Variants in SYNDIG1 observed in about 807,000 individuals in gnomAD.
The protein encoded by SYNDIG1 is synapse differentiation inducing 1, also known as synapse differentiation-inducing gene protein 1.
In SYNDIG1, 9 loss-of-function variants were observed where a neutral mutation model predicts 19.4. The observed-to-expected ratio is 0.46, with a 90% CI of 0.28 to 0.81. The LOEUF (loss-of-function observed/expected upper bound fraction) is 0.81. Ranked by LOEUF, SYNDIG1 falls within the 30% of genes least tolerant of loss-of-function variation. The pLI, the probability that SYNDIG1 is intolerant of heterozygous loss-of-function variation, is 0.12. For synonymous variants in SYNDIG1, 141 were observed against 145.9 expected, an observed-to-expected ratio of 0.97 and a Z score of 0.24; for missense variants, 311 against 343.3, an observed-to-expected ratio of 0.91 and a Z score of 0.74.
intron 2 of SYNDIG1, among the ~76,000 whole-genome samples, chr20:24,554,617 C>G (rs947760711): frequency 5.3e-5 from 8 of 152,176 alleles, no homozygotes; most frequent in African/African-American, 1.9e-4. Context: ...TATTCATTTG[C>G]GTGTATTGAA....
intron 1 of SYNDIG1, among the ~76,000 whole-genome samples, chr20:24,513,924 T>C (rs2056805540): frequency 6.6e-6 from 1 of 152,184 alleles, no homozygotes; most frequent in Admixed American, 6.5e-5. Flanking sequence ...AACACGGATC[T>C]CTCGGCAGAA....
chr20:24,494,988 T>C (rs555942603), intron 1 of SYNDIG1, among the ~76,000 whole-genome samples: 1 of 152,228 alleles, frequency 6.6e-6, no homozygotes, highest in Admixed American at 6.5e-5. Context: ...TCTATAACCA[T>C]GCCCTGGTCA....
At chr20:24,632,887 G>A (rs940749222) in intron 3 of SYNDIG1, among the ~76,000 whole-genome samples, 1 of 151,812 alleles carries the variant, frequency 6.6e-6, no homozygotes, top group African/African-American at 2.4e-5. Context: ...AGCTGAAACA[G>A]AACTTGAAAT....
At chr20:24,532,053 C>T (rs1178725793) in intron 1 of SYNDIG1, among the ~76,000 whole-genome samples, 1 of 152,218 alleles carries the variant, frequency 6.6e-6, no homozygotes, top group Non-Finnish European at 1.5e-5. Flanking sequence ...CCAGGCCATA[C>T]ACAAAATGCC....
chr20:24,549,745 G>A (rs2057667276), intron 2 of SYNDIG1, among the ~76,000 whole-genome samples: 1 of 152,198 alleles, frequency 6.6e-6, no homozygotes, highest in Admixed American at 6.5e-5. Flanking sequence ...GAAAAATCAG[G>A]TCACATACGG....
intron 1 of SYNDIG1, among the ~76,000 whole-genome samples, chr20:24,524,159 G>C (rs1264019500): frequency 6.6e-6 from 1 of 151,928 alleles, no homozygotes; most frequent in Non-Finnish European, 1.5e-5. Flanking sequence ...GGTTTTTCTC[G>C]CAACTTCGAA....
chr20:24,605,910 T>C (rs913763225), intron 3 of SYNDIG1, among the ~76,000 whole-genome samples: 1 of 152,246 alleles, frequency 6.6e-6, no homozygotes, highest in Non-Finnish European at 1.5e-5. Context: ...CAATTACATT[T>C]CCAACATGTG....
intron 2 of SYNDIG1, among the ~76,000 whole-genome samples, chr20:24,553,935 C>T (rs2057759778): frequency 6.6e-6 from 1 of 152,146 alleles, no homozygotes; most frequent in Non-Finnish European, 1.5e-5. Context: ...TTCTTCCTAC[C>T]CATGAGCATG....
At chr20:24,617,249 C>T (rs904526164) in intron 3 of SYNDIG1, among the ~76,000 whole-genome samples, 4 of 152,184 alleles carry the variant, frequency 2.6e-5, no homozygotes, top group Non-Finnish European at 4.4e-5. Context: ...CCCACCGAAC[C>T]TCCGTGCTCC....
At chr20:24,563,833 A>G (rs972847292) in intron 2 of SYNDIG1, among the ~76,000 whole-genome samples, 1 of 152,012 alleles carries the variant, frequency 6.6e-6, no homozygotes, top group Non-Finnish European at 1.5e-5. Flanking sequence ...ACACTTTTGG[A>G]CTCAAGTGAT....
At chr20:24,526,949 T>C (rs1450441933) in intron 1 of SYNDIG1, among the ~76,000 whole-genome samples, 10 of 152,246 alleles carry the variant, frequency 6.6e-5, no homozygotes, top group African/African-American at 2.2e-4. Flanking sequence ...TATTTTCCTT[T>C]GACTGCTTTT....
intron 1 of SYNDIG1, among the ~76,000 whole-genome samples, chr20:24,509,052 A>G (rs1179651142): frequency 1.3e-5 from 2 of 152,230 alleles, no homozygotes; most frequent in African/African-American, 4.8e-5. Context: ...CCTCCCTGCA[A>G]TGAGCATTGG....
chr20:24,640,872 G>A (rs530756317), intron 3 of SYNDIG1, among the ~76,000 whole-genome samples: 19 of 152,270 alleles, frequency 1.2e-4, no homozygotes, highest in South Asian at 6.2e-4. Flanking sequence ...GGGAGATGGC[G>A]CACATGGAGG....
rs747394930 is a variant in SYNDIG1 at position 24,543,092 on chromosome 20, A to T, written c.-6A>T. 3.7e-6 allele frequency: 6 copies of T among 1,610,376 alleles called. No homozygotes were observed. Among genetic ancestry groups the T allele is most frequent in the Non-Finnish European group, 2.5e-6 (3 of 1,177,026 alleles). On this transcript the variant is annotated 5_prime_UTR_variant, in exon 2 of 4. Coordinates refer to ENST00000376862, the MANE Select transcript of SYNDIG1 (RefSeq NM_024893.3). ...CAGCCTGACGCCCAGCCAGGGAGAG[A>T]GTACCATGGATGGCATCATTGAACA...
At chr20:24,594,229 C>A (rs546006794) in intron 3 of SYNDIG1, among the ~76,000 whole-genome samples, 29 of 152,294 alleles carry the variant, frequency 1.9e-4, no homozygotes, top group African/African-American at 7.0e-4. Context: ...GGAAGGGATA[C>A]AGCTTCAACT....
chr20:24,651,058 G>A (rs1290624118), intron 3 of SYNDIG1, among the ~76,000 whole-genome samples: 2 of 152,100 alleles, frequency 1.3e-5, no homozygotes, highest in Non-Finnish European at 2.9e-5. Context: ...GGGTAGTCTC[G>A]AACTCCTGAG....
At chr20:24,605,048 G>A (rs1008683171) in intron 3 of SYNDIG1, among the ~76,000 whole-genome samples, 2 of 152,122 alleles carry the variant, frequency 1.3e-5, no homozygotes, top group African/African-American at 4.8e-5. Flanking sequence ...CAAGGTCATG[G>A]GCAGGTAGTT....
intron 1 of SYNDIG1, among the ~76,000 whole-genome samples, chr20:24,535,693 A>G (rs1258700221): frequency 6.6e-6 from 1 of 152,192 alleles, no homozygotes; most frequent in Non-Finnish European, 1.5e-5. Flanking sequence ...ATTAATAACA[A>G]GGGTGACACC....
At chr20:24,615,573 C>A (rs2147198536) in intron 3 of SYNDIG1, among the ~76,000 whole-genome samples, 1 of 152,306 alleles carries the variant, frequency 6.6e-6, no homozygotes. Flanking sequence ...CGGGGCCAGG[C>A]AGGCTTTTTT....
Sources: allele counts gnomAD v4.1 joint callset (sites outside exome capture counted in the v4.1 genomes callset), GRCh38; gene constraint gnomAD v4.1.1; transcripts MANE v1.5; gene names NCBI Gene and HGNC (gene_info 2026-07-23, HGNC 2026-07-21).